Variants in OPCML observed in about 807,000 individuals in gnomAD.
The protein encoded by OPCML is opioid-binding protein/cell adhesion molecule.
Under a neutral mutation model 37.8 loss-of-function variants are expected in OPCML, and 13 were observed. That is an observed-to-expected ratio of 0.34 (90% CI 0.22 to 0.55). The LOEUF is 0.55. Among genes scored for constraint, OPCML ranks in the 20% least tolerant of loss-of-function variants. The probability of loss-of-function intolerance (pLI) is 0.91; values close to 1 mark genes in which losing one functional copy is unlikely to be tolerated. For missense variants in OPCML, 341 were observed against 435.6 expected (o/e 0.78, Z 1.93); for synonymous variants, 176 against 168.8 (o/e 1.04, Z -0.33).
intron 3 of OPCML, among the ~76,000 whole-genome samples, chr11:132,653,761 C>G (rs1450958629): frequency 6.6e-6 from 1 of 152,152 alleles, no homozygotes; most frequent in Non-Finnish European, 1.5e-5. Context: ...AAGCTGAGTC[C>G]CTTAGGCGTG....
chr11:133,448,553 G>A (rs1008432840), intron 1 of OPCML, among the ~76,000 whole-genome samples: 12 of 152,178 alleles, frequency 7.9e-5, no homozygotes, highest in African/African-American at 2.7e-4. Context: ...CACCTCCCGG[G>A]TTCAGGCGAT....
intron 1 of OPCML, among the ~76,000 whole-genome samples, chr11:133,402,207 G>T (rs765411040): frequency 6.6e-6 from 1 of 151,970 alleles, no homozygotes; most frequent in Non-Finnish European, 1.5e-5. Flanking sequence ...GGCATCACAG[G>T]GTGGGGGATA....
chr11:132,747,422 T>C (rs1483066909), intron 2 of OPCML, among the ~76,000 whole-genome samples: 2 of 152,206 alleles, frequency 1.3e-5, no homozygotes, highest in Non-Finnish European at 2.9e-5. Context: ...AAGATGGACC[T>C]GGTTCTGGAA....
intron 1 of OPCML, among the ~76,000 whole-genome samples, chr11:133,200,066 C>T (rs1243173084): frequency 2.0e-5 from 3 of 152,178 alleles, no homozygotes; most frequent in African/African-American, 7.2e-5. Flanking sequence ...CTGCATTGCT[C>T]AAATGAGCAC....
chr11:133,183,003 G>T (rs986027987), intron 1 of OPCML, among the ~76,000 whole-genome samples: 1 of 152,028 alleles, frequency 6.6e-6, no homozygotes, highest in Non-Finnish European at 1.5e-5. Flanking sequence ...TGATAATTTT[G>T]TTAGCACCAC....
intron 1 of OPCML, among the ~76,000 whole-genome samples, chr11:132,966,892 ATATTTT>A (rs1484696157): frequency 2.0e-5 from 3 of 152,186 alleles, no homozygotes; most frequent in East Asian, 3.9e-4. Context: ...CATGGAATAT[ATATTTT>A]TATTTTTTAA....
At chr11:132,742,694 T>A (rs985329768) in intron 2 of OPCML, among the ~76,000 whole-genome samples, 6 of 149,464 alleles carry the variant, frequency 4.0e-5, no homozygotes, top group African/African-American at 1.5e-4. Flanking sequence ...ATACTTTTTA[T>A]AATATATATT....
chr11:132,504,401 T>C (rs1465523624), intron 4 of OPCML, among the ~76,000 whole-genome samples: 2 of 152,222 alleles, frequency 1.3e-5, no homozygotes, highest in Admixed American at 1.3e-4. Flanking sequence ...CAAAAATTAG[T>C]GGCTCCAAGC....
At chr11:132,902,529 A>G (rs909718799) in intron 2 of OPCML, among the ~76,000 whole-genome samples, 1 of 152,128 alleles carries the variant, frequency 6.6e-6, no homozygotes, top group African/African-American at 2.4e-5. Context: ...CTCATCAGGG[A>G]TGGGGGAGAA....
intron 1 of OPCML, among the ~76,000 whole-genome samples, chr11:133,501,329 G>A (rs998901383): frequency 5.3e-5 from 8 of 152,098 alleles, no homozygotes; most frequent in East Asian, 1.9e-4. Flanking sequence ...CCAAACACAC[G>A]TCATGACCTA....
At chr11:133,041,318 C>T (rs752606574) in intron 1 of OPCML, among the ~76,000 whole-genome samples, 13 of 152,314 alleles carry the variant, frequency 8.5e-5, no homozygotes, top group Admixed American at 3.9e-4. Flanking sequence ...AGTAAATCTT[C>T]GGTGATGGCA....
chr11:132,436,189 C>T lies in OPCML; in HGVS notation c.813G>A (p.Met271Ile), dbSNP rs2096012332. Residue 271 changes from methionine to isoleucine, a missense_variant, in exon 7 of 8, where the codon ATG becomes ATA. Met to Ile is a conservative substitution (Grantham distance 10). Transcript: ENST00000524381. ...DGMRIENKGR[M>I]STLTFFNVSE... ...AAACATTGAAGAAAGTCAGAGTGGA[C>T]ATGCGGCCTTTGTTTTCAATCCTCA... 1.2e-6 allele frequency: 2 copies of T among 1,614,098 alleles called. No homozygotes were observed. Among genetic ancestry groups the T allele is most frequent in the African/African-American group, 1.3e-5 (1 of 74,940 alleles).
intron 7 of OPCML, among the ~76,000 whole-genome samples, chr11:132,433,500 G>A (rs892084813): frequency 6.6e-6 from 1 of 152,108 alleles, no homozygotes; most frequent in Non-Finnish European, 1.5e-5. Context: ...GCATATATGC[G>A]GGAAGGAAGA....
intron 1 of OPCML, among the ~76,000 whole-genome samples, chr11:133,507,439 A>G (rs1394008965): frequency 6.6e-6 from 1 of 152,080 alleles, no homozygotes; most frequent in Non-Finnish European, 1.5e-5. Flanking sequence ...TTTTGTAGAG[A>G]GGAAATTGGG....
chr11:132,678,235 T>C lies in OPCML; in HGVS notation c.147-20916A>G, dbSNP rs529023671. Among the ~76,000 whole-genome samples the C allele has an allele frequency of 1.8e-4, 28 of 152,226 alleles. 1 individual carries two copies. The East Asian group carries it at 5.2e-3, about 28-fold the overall frequency. The stretch of plus-strand genomic sequence containing the variant: ...TTAACCTGGCCAAAATCCAGAACAC[T>C]GACAACAACAAATGGTGACAAGGAT... On this transcript the variant is annotated intron_variant, in intron 2 of 7. Coordinates refer to ENST00000524381, the MANE Select transcript of OPCML (RefSeq NM_001012393.5).
intron 1 of OPCML, among the ~76,000 whole-genome samples, chr11:133,379,051 T>C (rs893240759): frequency 4.6e-5 from 7 of 152,170 alleles, no homozygotes; most frequent in Non-Finnish European, 7.4e-5. Context: ...GCTACCACAT[T>C]GGCCACTATA....
intron 2 of OPCML, among the ~76,000 whole-genome samples, chr11:132,818,282 T>G (rs1238997703): frequency 6.6e-6 from 1 of 152,196 alleles, no homozygotes; most frequent in Non-Finnish European, 1.5e-5. Flanking sequence ...TTTTCTTCTA[T>G]TTTATCTTTT....
intron 1 of OPCML, among the ~76,000 whole-genome samples, chr11:133,368,688 G>A (rs1270223548): frequency 3.3e-5 from 5 of 152,056 alleles, no homozygotes; most frequent in Admixed American, 6.5e-5. Context: ...TTCTATCAAA[G>A]CTAGTTATTT....
At chr11:133,457,894 C>G (rs1946706334) in intron 1 of OPCML, among the ~76,000 whole-genome samples, 1 of 152,076 alleles carries the variant, frequency 6.6e-6, no homozygotes, top group South Asian at 2.1e-4. Flanking sequence ...CGCCTATAAT[C>G]CCAACACTTT....
Sources: gnomAD v4.1 joint callset for allele counts (sites outside exome capture counted in the v4.1 genomes callset) on GRCh38, gnomAD v4.1.1 for gene constraint, MANE v1.5 for transcripts, NCBI Gene and HGNC (gene_info 2026-07-23, HGNC 2026-07-21) for gene names.